IKZF2: variants seen among roughly 807,000 people sequenced by gnomAD.
IKZF2 encodes the protein IKAROS family zinc finger 2.
In IKZF2, 15 loss-of-function variants were observed where a neutral mutation model predicts 49.2. The ratio of observed to expected loss-of-function variants is 0.30; its 90% CI spans 0.20 to 0.47. The LOEUF (loss-of-function observed/expected upper bound fraction) is 0.47, where lower values mean the gene tolerates loss of function less well. IKZF2 is among the 20% of genes least tolerant of loss of function. The probability of loss-of-function intolerance (pLI) is 1.00; values close to 1 mark genes in which losing one functional copy is unlikely to be tolerated. For missense variants in IKZF2, 567 were observed against 664.6 expected (o/e 0.85, Z 1.61); for synonymous variants, 227 against 221.4 (o/e 1.03, Z -0.23).
At chr2:213,129,061 C>T (rs1198555533) in intron 4 of IKZF2, among the ~76,000 whole-genome samples, 1 of 151,342 alleles carries the variant, frequency 6.6e-6, no homozygotes, top group Non-Finnish European at 1.5e-5. Context: ...CAGTGTAAAA[C>T]ACTTTGTTTG....
intron 6 of IKZF2, among the ~76,000 whole-genome samples, chr2:213,026,878 G>T (rs1489649416): frequency 2.0e-5 from 3 of 151,864 alleles, no homozygotes; most frequent in African/African-American, 7.3e-5. Context: ...TAGATTTATG[G>T]TAATGCTGAA....
chr2:213,034,002 T>G (rs1698749632), intron 6 of IKZF2, among the ~76,000 whole-genome samples: 1 of 152,254 alleles, frequency 6.6e-6, no homozygotes, highest in Non-Finnish European at 1.5e-5. Context: ...GATGAATTAC[T>G]GTAGCCTCTA....
chr2:213,038,866 C>T (rs893489487), intron 6 of IKZF2, among the ~76,000 whole-genome samples: 2 of 152,010 alleles, frequency 1.3e-5, no homozygotes, highest in African/African-American at 2.4e-5. Context: ...GACAACAATG[C>T]GTTTGAGGGT....
At chr2:213,050,417 T>C (rs1464674355) in intron 5 of IKZF2, among the ~76,000 whole-genome samples, 1 of 152,184 alleles carries the variant, frequency 6.6e-6, no homozygotes, top group African/African-American at 2.4e-5. Flanking sequence ...GGCAGAAAAT[T>C]TGAGCTGAAA....
chr2:213,051,411 C>T (rs1487409694), intron 5 of IKZF2, among the ~76,000 whole-genome samples: 1 of 151,700 alleles, frequency 6.6e-6, no homozygotes, highest in Non-Finnish European at 1.5e-5. Context: ...CTCTTATGAG[C>T]TACATGTACA....
intron 4 of IKZF2, among the ~76,000 whole-genome samples, chr2:213,068,945 A>G (rs1308115795): frequency 6.9e-6 from 1 of 144,274 alleles, no homozygotes; most frequent in East Asian, 1.9e-4. Context: ...ACACACACAC[A>G]CAACATACTC....
chr2:213,063,563 G>A (rs954540640), intron 4 of IKZF2, among the ~76,000 whole-genome samples: 3 of 151,798 alleles, frequency 2.0e-5, no homozygotes, highest in African/African-American at 7.3e-5. Flanking sequence ...AATGATAATA[G>A]TAATGATAAT....
At chr2:213,063,136 G>A (rs1309207370) in intron 4 of IKZF2, among the ~76,000 whole-genome samples, 1 of 152,020 alleles carries the variant, frequency 6.6e-6, no homozygotes, top group East Asian at 1.9e-4. Flanking sequence ...GGTGGGACAT[G>A]TCCAGACACT....
chr2:213,092,797 T>C (rs1377865529), intron 4 of IKZF2, among the ~76,000 whole-genome samples: 3 of 152,198 alleles, frequency 2.0e-5, no homozygotes, highest in Admixed American at 2.0e-4. Context: ...CTGTCCTCAA[T>C]GTAACTTCAT....
chr2:213,140,644 C>G (rs2060832291), intron 4 of IKZF2, among the ~76,000 whole-genome samples: 1 of 151,754 alleles, frequency 6.6e-6, no homozygotes, highest in African/African-American at 2.4e-5. Context: ...AGATATACCA[C>G]AAAATGTTGA....
chr2:213,035,680 T>C (rs1411813541), intron 6 of IKZF2, among the ~76,000 whole-genome samples: 6 of 152,164 alleles, frequency 3.9e-5, no homozygotes, highest in Admixed American at 1.3e-4. Context: ...AACCTCGGGT[T>C]GCAAAGAACC....
chr2:213,092,708 T>C (rs1159052797), intron 4 of IKZF2, among the ~76,000 whole-genome samples: 1 of 152,154 alleles, frequency 6.6e-6, no homozygotes, highest in Non-Finnish European at 1.5e-5. Flanking sequence ...TGACAGCATA[T>C]ACAAAATTTT....
At chr2:213,103,313 C>G (rs1024922265) in intron 4 of IKZF2, among the ~76,000 whole-genome samples, 1 of 152,096 alleles carries the variant, frequency 6.6e-6, no homozygotes, top group African/African-American at 2.4e-5. Flanking sequence ...AGATTTGAAC[C>G]ATTGCAGACT....
At chr2:213,056,728 T>C (rs763236579) in intron 5 of IKZF2, 105 bp downstream of exon 5, 1 of 1,400,020 alleles carries the variant, frequency 7.1e-7, no homozygotes, top group Non-Finnish European at 9.9e-7. Context: ...AAAAGGTAGT[T>C]TTCACCACTG....
chr2:213,096,106 T>C (rs1480232352), intron 4 of IKZF2, among the ~76,000 whole-genome samples: 1 of 151,728 alleles, frequency 6.6e-6, no homozygotes, highest in Admixed American at 6.6e-5. Context: ...CTCAAAAAAA[T>C]AGCACCCATT....
chr2:213,144,877 T>C (rs759439490), intron 4 of IKZF2, among the ~76,000 whole-genome samples: 9 of 151,972 alleles, frequency 5.9e-5, no homozygotes, highest in Non-Finnish European at 1.2e-4. Context: ...AAGTTTATCT[T>C]AGATGCTAAA....
intron 6 of IKZF2, among the ~76,000 whole-genome samples, chr2:213,030,190 C>T (rs933620073): frequency 4.6e-5 from 7 of 151,984 alleles, no homozygotes; most frequent in African/African-American, 7.2e-5. Flanking sequence ...TAGTTTCCCA[C>T]GTTGTGATTT....
chr2:213,119,781 T>C (rs896135610), intron 4 of IKZF2, among the ~76,000 whole-genome samples: 4 of 152,214 alleles, frequency 2.6e-5, no homozygotes, highest in Non-Finnish European at 5.9e-5. Context: ...CCACATCCTG[T>C]GTGCATAAGG....
chr2:213,105,987 A>G (rs1174104903), intron 4 of IKZF2, among the ~76,000 whole-genome samples: 1 of 152,212 alleles, frequency 6.6e-6, no homozygotes, highest in Non-Finnish European at 1.5e-5. Context: ...AGATAAATGT[A>G]CAATTTGTTT....
Sources: gnomAD v4.1 joint callset for allele counts (sites outside exome capture counted in the v4.1 genomes callset) on GRCh38, gnomAD v4.1.1 for gene constraint, MANE v1.5 for transcripts, NCBI Gene and HGNC (gene_info 2026-07-23, HGNC 2026-07-21) for gene names.